Variants in DMD observed in about 807,000 individuals in gnomAD.
The protein encoded by DMD is mutant dystrophin.
DMD carries 63 observed loss-of-function variants against 330.1 expected under a neutral mutation model. That is an observed-to-expected ratio of 0.19 (90% CI 0.16 to 0.24). The LOEUF (loss-of-function observed/expected upper bound fraction) is 0.24, where lower values mean the gene tolerates loss of function less well. Among genes scored for constraint, DMD ranks in the 10% least tolerant of loss-of-function variants. The probability of loss-of-function intolerance (pLI) is 1.00; values close to 1 mark genes in which losing one functional copy is unlikely to be tolerated. For synonymous variants in DMD, 1,223 were observed against 959.8 expected (o/e 1.27, Z -5.07); for missense variants, 3,344 against 2,684.1 (o/e 1.25, Z -5.43).
At chrX:32,744,682 C>T (rs1433092826) in intron 7 of DMD, among the ~76,000 whole-genome samples, 1 of 111,618 alleles carries the variant, frequency 9.0e-6, no homozygotes, top group African/African-American at 3.3e-5. Flanking sequence ...ACCTCCCTAT[C>T]CTGTCATATC....
intron 63 of DMD, among the ~76,000 whole-genome samples, chrX:31,254,118 C>A (rs144713324): frequency 1.8e-5 from 2 of 111,921 alleles, no homozygotes; most frequent in African/African-American, 6.5e-5. Context: ...CCAGAACATA[C>A]GGTGCATCTA....
intron 18 of DMD, among the ~76,000 whole-genome samples, chrX:32,514,602 G>A (rs1037728480): frequency 1.6e-4 from 18 of 111,997 alleles, no homozygotes; most frequent in Non-Finnish European, 2.6e-4. Context: ...TTAGCCGGGT[G>A]TGGTGGCGGG....
chrX:31,235,219 T>C, intron 63 of DMD, among the ~76,000 whole-genome samples: 1 of 111,628 alleles, frequency 9.0e-6, no homozygotes, highest in African/African-American at 3.3e-5. Context: ...ATAATGAAAA[T>C]AGACCATCGT....
intron 1 of DMD, among the ~76,000 whole-genome samples, chrX:33,269,457 G>T (rs1282104993): frequency 9.0e-6 from 1 of 110,961 alleles, no homozygotes; most frequent in African/African-American, 3.3e-5. Flanking sequence ...GACCGGCGGG[G>T]AAGGAGTTAA....
chrX:32,544,193 G>A (rs989011668), intron 17 of DMD, among the ~76,000 whole-genome samples: 8 of 111,357 alleles, frequency 7.2e-5, no homozygotes, highest in Admixed American at 3.8e-4. Flanking sequence ...ATTTACTTTG[G>A]AATTATCAAA....
At chrX:32,800,294 A>G in intron 7 of DMD, among the ~76,000 whole-genome samples, 1 of 112,126 alleles carries the variant, frequency 8.9e-6, no homozygotes, top group Middle Eastern at 4.6e-3. Context: ...TGGTAAATCT[A>G]TCGAAGAGAG....
At position 32,415,014 on chromosome X, in the gene DMD, T is replaced by G. The variant is rs754042523; in HGVS notation, c.4072-3101A>C. Among the ~76,000 whole-genome samples, 3 of 111,622 alleles carry G rather than the reference T, an allele frequency of 2.7e-5. No individual in the cohort carries two copies. The East Asian group carries it at 8.5e-4, about 32-fold the overall frequency. ...CTGGCTGCAGCCTACCCACAGCTCT[T>G]CCAAAGAAATGGATCTCTAGTGATA... On this transcript the variant is annotated intron_variant, in intron 29 of 78. Transcript: ENST00000357033.
chrX:32,309,021 A>G (rs2097551013), intron 42 of DMD, among the ~76,000 whole-genome samples: 1 of 111,224 alleles, frequency 9.0e-6, no homozygotes. Context: ...TTTACTTCAA[A>G]CAGAATAAGA....
At position 32,129,641 on chromosome X, in the gene DMD, C is replaced by T. The variant is rs144938059; in HGVS notation, c.6438+87275G>A. ...GCTATAAGGGACTTCTCAATCAGTC[C>T]CTATAGATAGGAATTGGTAGTTCCT... On this transcript the variant is annotated intron_variant, in intron 44 of 78. Coordinates refer to ENST00000357033, the MANE Select transcript of DMD (RefSeq NM_004006.3). Among the ~76,000 whole-genome samples the T allele has an allele frequency of 1.8e-3, 187 of 105,322 alleles. 2 individuals are homozygous for T. The East Asian group carries it at 0.045, about 25-fold the overall frequency. 91.5% of individuals were successfully genotyped at this position (105,322 alleles called of 115,157 possible). A position where few individuals can be genotyped will look rare whatever the true frequency, so the allele number is the denominator to read the frequency against.
chrX:32,442,139 G>C (rs935394683), intron 27 of DMD, among the ~76,000 whole-genome samples: 2 of 110,622 alleles, frequency 1.8e-5, no homozygotes, highest in South Asian at 3.7e-4. Context: ...TCTTAAGTAA[G>C]ACATCTCGTA....
chrX:32,394,607 G>A (rs753348834), intron 30 of DMD, among the ~76,000 whole-genome samples: 48 of 110,931 alleles, frequency 4.3e-4, no homozygotes, highest in African/African-American at 1.5e-3. Flanking sequence ...TCATTTCCTC[G>A]TAAGCACAAA....
chrX:32,689,590 A>T (rs1382569986), intron 9 of DMD, among the ~76,000 whole-genome samples: 3 of 111,292 alleles, frequency 2.7e-5, no homozygotes, highest in African/African-American at 9.8e-5. Context: ...CCAAAGCCAG[A>T]AAAAGACATC....
chrX:32,111,778 C>T (rs1471315044), intron 44 of DMD, among the ~76,000 whole-genome samples: 1 of 111,302 alleles, frequency 9.0e-6, no homozygotes, highest in African/African-American at 3.3e-5. Context: ...TAATAAACAA[C>T]AGTTTATTAT....
chrX:33,021,928 C>A (rs967747889), intron 1 of DMD, among the ~76,000 whole-genome samples: 1 of 111,234 alleles, frequency 9.0e-6, no homozygotes, highest in Non-Finnish European at 1.9e-5. Context: ...TCCTTCAAAT[C>A]TTTACTTTCA....
chrX:33,068,011 G>T (rs945971725), intron 1 of DMD, among the ~76,000 whole-genome samples: 2 of 111,945 alleles, frequency 1.8e-5, no homozygotes, highest in Non-Finnish European at 3.8e-5. Flanking sequence ...AGTGCTGCTA[G>T]TGCTGAAAAT....
intron 44 of DMD, among the ~76,000 whole-genome samples, chrX:32,172,127 C>G (rs2096889798): frequency 9.0e-6 from 1 of 111,656 alleles, no homozygotes; most frequent in South Asian, 3.7e-4. Flanking sequence ...TGTACTTATT[C>G]ATTTCAGGGA....
chrX:33,007,510 T>C (rs772132624), intron 2 of DMD, among the ~76,000 whole-genome samples: 1 of 111,700 alleles, frequency 9.0e-6, no homozygotes, highest in Admixed American at 9.6e-5. Context: ...TCCTGCTTTA[T>C]TTTTTCTCTT....
intron 7 of DMD, among the ~76,000 whole-genome samples, chrX:32,740,275 G>A (rs1297992370): frequency 1.8e-5 from 2 of 110,145 alleles, no homozygotes; most frequent in Non-Finnish European, 3.8e-5. Context: ...CTATTCTTTT[G>A]AGTCGCTGAG....
At chrX:32,717,809 G>C (rs1195728674) in intron 7 of DMD, among the ~76,000 whole-genome samples, 1 of 111,757 alleles carries the variant, frequency 8.9e-6, no homozygotes, top group East Asian at 2.8e-4. Context: ...TTGGGAGCCT[G>C]TCCCTTGCAT....
Sources: allele counts gnomAD v4.1 joint callset (sites outside exome capture counted in the v4.1 genomes callset), GRCh38; gene constraint gnomAD v4.1.1; transcripts MANE v1.5; gene names NCBI Gene and HGNC (gene_info 2026-07-23, HGNC 2026-07-21).